Variants in FARP2 observed in about 807,000 individuals in gnomAD.
FARP2 encodes FERM, ARHGEF and pleckstrin domain-containing protein 2.
In FARP2, 111 loss-of-function variants were observed where a neutral mutation model predicts 130.5. The ratio of observed to expected loss-of-function variants is 0.85; its 90% CI spans 0.73 to 1.00. The LOEUF (loss-of-function observed/expected upper bound fraction) is 1.00. Among genes scored for constraint, FARP2 ranks in the 50% least tolerant of loss-of-function variants. The pLI is 0.00. For missense variants in FARP2, 1,385 were observed against 1,346.3 expected (o/e 1.03, Z -0.45); for synonymous variants, 504 against 516.9 (o/e 0.98, Z 0.34).
At chr2:241,384,299 T>C (rs1024770232) in intron 2 of FARP2, among the ~76,000 whole-genome samples, 1 of 152,204 alleles carries the variant, frequency 6.6e-6, no homozygotes, top group Non-Finnish European at 1.5e-5. Context: ...AATGATGCTT[T>C]ACATGTACAG....
chr2:241,428,008 C>T (rs1007327740), intron 8 of FARP2, among the ~76,000 whole-genome samples: 8 of 151,950 alleles, frequency 5.3e-5, no homozygotes, highest in East Asian at 1.9e-4. Context: ...CCTCGTGATC[C>T]GCCCGCCTTG....
At chr2:241,392,238 A>C (rs1156983650) in intron 2 of FARP2, among the ~76,000 whole-genome samples, 2 of 152,250 alleles carry the variant, frequency 1.3e-5, no homozygotes, top group African/African-American at 4.8e-5. Flanking sequence ...GAAAGCCAAA[A>C]GCCCAGAAAT....
chr2:241,404,592 C>T (rs1481791545), intron 3 of FARP2, among the ~76,000 whole-genome samples: 3 of 152,202 alleles, frequency 2.0e-5, no homozygotes, highest in Non-Finnish European at 4.4e-5. Context: ...GCAATTTTAA[C>T]GTCTTCCCAT....
At chr2:241,453,768 G>GGT (rs2063751410) in intron 13 of FARP2, among the ~76,000 whole-genome samples, 4 of 99,896 alleles carry the variant, frequency 4.0e-5, no homozygotes, top group African/African-American at 1.6e-4. Flanking sequence ...GGCACTTACT[G>GGT]GTTTTTTTTT....
intron 7 of FARP2, 22 bp downstream of exon 7, chr2:241,413,443 T>G: frequency 6.8e-7 from 1 of 1,465,220 alleles, no homozygotes; most frequent in East Asian, 2.3e-5. Flanking sequence ...CAATTGTCTG[T>G]CAACACATTG....
chr2:241,394,079 G>A (rs754099591), intron 2 of FARP2, among the ~76,000 whole-genome samples: 5 of 152,150 alleles, frequency 3.3e-5, no homozygotes, highest in Admixed American at 6.5e-5. Flanking sequence ...AGGCCCTTCC[G>A]ACCTAGTGCA....
intron 21 of FARP2, 127 bp downstream of exon 21, chr2:241,484,458 G>A (rs923526042): frequency 1.7e-5 from 12 of 709,176 alleles, no homozygotes; most frequent in Admixed American, 4.5e-5. Flanking sequence ...GTATTTGGCC[G>A]CACTGGGAGC....
intron 13 of FARP2, chr2:241,447,237 G>A (rs761080460): frequency 2.6e-5 from 4 of 152,220 alleles, no homozygotes; most frequent in Non-Finnish European, 5.9e-5. Context: ...TGAAGCAGCT[G>A]CATATTTTTT....
At chr2:241,439,959 A>AAAAT (rs781346727) in intron 12 of FARP2, among the ~76,000 whole-genome samples, 6 of 152,164 alleles carry the variant, frequency 3.9e-5, no homozygotes, top group East Asian at 1.9e-4. Flanking sequence ...CTTCATCTCA[A>AAAAT]AAATAAATAA....
Position 241,491,581 on chromosome 2 carries a change from C to G in FARP2, c.2689C>G (p.Leu897Val). 2.5e-6 allele frequency: 4 copies of G among 1,613,884 alleles called. No homozygotes were observed. Among genetic ancestry groups the G allele is most frequent in the Non-Finnish European group, 3.4e-6 (4 of 1,180,006 alleles). The change falls in exon 24 of 27, where the codon CTG becomes GTG. Residue 897 changes from leucine (L) to valine (V), a missense_variant. Transcript: ENST00000264042. Reference protein sequence around the residue: ...EDDARGVRSSLEGHGQHRANT... With the variant: ...EDDARGVRSSVEGHGQHRANT... ...TGATGCTCGGGGTGTCCGCAGCTCC[C>G]TGGAGGGGCATGGCCAGCACCGGGC...
rs746366923 is a variant in FARP2, at chr2:241,468,235, G to A, written c.1989G>A (p.Glu663=). 1 of 1,614,134 alleles carries A rather than the reference G, an allele frequency of 6.2e-7. No homozygotes were observed. The change falls in exon 18 of 27, where the codon GAG becomes GAA. Residue 663 remains glutamate (E), a synonymous_variant. Transcript: ENST00000264042. The part of the protein sequence containing the change: ...RCKKLEAVYK[E]FELQKVCYLP... ...AGAAGTTGGAGGCAGTGTACAAGGAGTTTGAGCTGCAGAAGGTCTGCTACT... is the reference window on the plus strand; with the variant it reads ...AGAAGTTGGAGGCAGTGTACAAGGAATTTGAGCTGCAGAAGGTCTGCTACT...
intron 5 of FARP2, among the ~76,000 whole-genome samples, chr2:241,408,828 C>T (rs928563508): frequency 1.3e-5 from 2 of 152,086 alleles, no homozygotes; most frequent in Non-Finnish European, 2.9e-5. Flanking sequence ...TTTAGCAACA[C>T]AAAATCGTAG....
chr2:241,388,040 A>T (rs1170920071), intron 2 of FARP2, among the ~76,000 whole-genome samples: 3 of 152,180 alleles, frequency 2.0e-5, no homozygotes, highest in Non-Finnish European at 2.9e-5. Flanking sequence ...TCAAAATCTC[A>T]GCTAGCTTTT....
chr2:241,375,765 T>G (rs1175053896), intron 2 of FARP2, among the ~76,000 whole-genome samples: 1 of 148,416 alleles, frequency 6.7e-6, no homozygotes, highest in African/African-American at 2.5e-5. Context: ...ATGGGGTACT[T>G]TTTTTTTTTA....
chr2:241,361,484 G>A (rs1417636978), intron 1 of FARP2, among the ~76,000 whole-genome samples: 1 of 152,306 alleles, frequency 6.6e-6, no homozygotes, highest in East Asian at 1.9e-4. Context: ...CAAGCTACCT[G>A]ACATGAAGGG....
chr2:241,407,473 A>C, intron 4 of FARP2, 64 bp from the exon 5 acceptor site: 1 of 1,168,540 alleles, frequency 8.6e-7, no homozygotes, highest in Admixed American at 1.7e-5. Flanking sequence ...ATACAGTAAT[A>C]TATGAAAAGA....
chr2:241,457,030 C>T (rs1417034516), intron 14 of FARP2, 108 bp downstream of exon 14: 3 of 1,022,344 alleles, frequency 2.9e-6, no homozygotes, highest in African/African-American at 1.7e-5. Flanking sequence ...CAGGGAAGGG[C>T]TCTGCACTCA....
At chr2:241,468,410 T>C in intron 18 of FARP2, 33 bp downstream of exon 18, 2 of 1,542,702 alleles carry the variant, frequency 1.3e-6, no homozygotes, top group East Asian at 2.2e-5. Context: ...ATCTCAAGGA[T>C]CAGCGTGCGT....
intron 1 of FARP2, among the ~76,000 whole-genome samples, chr2:241,371,220 C>T (rs910114220): frequency 1.3e-5 from 2 of 152,112 alleles, no homozygotes; most frequent in South Asian, 4.1e-4. Context: ...TGTGGTGGCT[C>T]GCCTGTAATC....
Sources: allele counts gnomAD v4.1 joint callset (sites outside exome capture counted in the v4.1 genomes callset), GRCh38; gene constraint gnomAD v4.1.1; transcripts MANE v1.5; gene names NCBI Gene and HGNC (gene_info 2026-07-23, HGNC 2026-07-21).